ATRN: variants seen among roughly 807,000 people sequenced by gnomAD.
ATRN encodes the protein attractin.
ATRN carries 54 observed loss-of-function variants against 178.7 expected under a neutral mutation model. That is an observed-to-expected ratio of 0.30 (90% CI 0.24 to 0.38). The LOEUF is 0.38. Ranked by LOEUF, ATRN falls within the 10% of genes least tolerant of loss-of-function variation. The probability of loss-of-function intolerance (pLI) is 1.00; values close to 1 mark genes in which losing one functional copy is unlikely to be tolerated. For missense variants in ATRN, 1,443 were observed against 1,815.1 expected (o/e 0.79, Z 3.73); for synonymous variants, 636 against 663.0 (o/e 0.96, Z 0.63).
chr20:3,607,934 A>G (rs1274792211), intron 24 of ATRN, among the ~76,000 whole-genome samples: 2 of 152,086 alleles, frequency 1.3e-5, no homozygotes, highest in Middle Eastern at 3.4e-3. Context: ...ATGATTTCTC[A>G]TTATGGTTTT....
At chr20:3,598,391 C>CAG (rs2086561334) in intron 22 of ATRN, among the ~76,000 whole-genome samples, 1 of 151,612 alleles carries the variant, frequency 6.6e-6, no homozygotes, top group Non-Finnish European at 1.5e-5. Flanking sequence ...CAGCCCCAAT[C>CAG]AGACAGCAAG....
At position 3,569,384 on chromosome 20, in the gene ATRN, T is replaced by A. The variant is rs545629099; in HGVS notation, c.1872-3347T>A. Among the ~76,000 whole-genome samples the A allele has an allele frequency of 8.5e-5, 13 of 152,244 alleles. 1 individual carries two copies. In the South Asian group the frequency reaches 2.7e-3, roughly 32 times the overall value. ...AGGTCATTGTAATGCAATGTAAGTA[T>A]TTGTGTGTCCAAGCATATCTAAACA... On this transcript the variant is annotated intron_variant, in intron 11 of 28. Coordinates refer to ENST00000262919, the MANE Select transcript of ATRN (RefSeq NM_139321.3).
intron 5 of ATRN, among the ~76,000 whole-genome samples, chr20:3,547,719 G>T (rs235599): frequency 0.75 from 114,142 of 151,942 alleles, 43,317 homozygotes; most frequent in East Asian, 1. Flanking sequence ...TGCATCCTGT[G>T]TGTGAAAGTT....
intron 25 of ATRN, among the ~76,000 whole-genome samples, chr20:3,627,571 T>G (rs2086952224): frequency 6.6e-6 from 1 of 152,074 alleles, no homozygotes; most frequent in Admixed American, 6.5e-5. Context: ...CTGGCAAGAT[T>G]AACCAAGGAA....
Position 3,646,940 on chromosome 20 carries a change from G to T in ATRN, c.*93G>T. The T allele has an allele frequency of 6.7e-7, 1 of 1,486,846 alleles. No homozygotes were observed. Among genetic ancestry groups the T allele is most frequent in the Non-Finnish European group, 9.0e-7 (1 of 1,110,144 alleles). The allele number at this position is 1,486,846 out of a possible 1,614,324, so 92.1% of individuals were successfully genotyped here. The stretch of plus-strand genomic sequence containing the variant: ...GGCGTGGCGGGGAAATGGCTGTGCG[G>T]TGCGGGACGGAAGACTGGAAACCCT... On this transcript the variant is annotated 3_prime_UTR_variant, in exon 29 of 29. Coordinates refer to ENST00000262919, the MANE Select transcript of ATRN (RefSeq NM_139321.3).
At chr20:3,533,445 G>A (rs1158656228) in intron 1 of ATRN, among the ~76,000 whole-genome samples, 1 of 152,202 alleles carries the variant, frequency 6.6e-6, no homozygotes, top group Non-Finnish European at 1.5e-5. Flanking sequence ...AGACATGTCA[G>A]TAACTTCTGG....
intron 1 of ATRN, among the ~76,000 whole-genome samples, chr20:3,480,723 G>A (rs931266565): frequency 2.0e-5 from 3 of 152,044 alleles, no homozygotes; most frequent in Non-Finnish European, 2.9e-5. Context: ...TTTATTTACC[G>A]CAGTATAGAG....
Position 3,563,194 on chromosome 20 carries a change from A to G in ATRN, c.1632-15A>G. ...AACTAACCTTGTATTTATTATTTCT[A>G]AATAAACTCAAAAGGACCATTCTTA... On this transcript the variant is annotated splice_polypyrimidine_tract_variant and intron_variant, in intron 9 of 28. Coordinates refer to ENST00000262919, the MANE Select transcript of ATRN (RefSeq NM_139321.3). 6.3e-7 allele frequency: 1 copy of G among 1,595,244 alleles called. No homozygotes were observed. Among genetic ancestry groups the G allele is most frequent in the East Asian group, 2.2e-5 (1 of 44,628 alleles).
intron 1 of ATRN, among the ~76,000 whole-genome samples, chr20:3,506,961 G>A (rs559755214): frequency 2.6e-5 from 4 of 151,900 alleles, no homozygotes; most frequent in East Asian, 1.9e-4. Context: ...AAGATATGTT[G>A]GGAAAAAATA....
chr20:3,557,144 G>A (rs978454300), intron 6 of ATRN, among the ~76,000 whole-genome samples: 2 of 152,178 alleles, frequency 1.3e-5, no homozygotes, highest in African/African-American at 4.8e-5. Flanking sequence ...AAAAAGCTTT[G>A]CAGTGGTATG....
rs201908835 is a variant in ATRN at position 3,622,165 on chromosome 20, G to C, written c.3802-2346G>C. On this transcript the variant is annotated intron_variant, in intron 24 of 28. Coordinates refer to ENST00000262919, the MANE Select transcript of ATRN (RefSeq NM_139321.3). Reference sequence around the variant, plus strand: ...AGAAATCTGATAGCTCCATCATGGAGTCCTTCACTTGAGACTTCACAGCAG... The same window carrying C: ...AGAAATCTGATAGCTCCATCATGGACTCCTTCACTTGAGACTTCACAGCAG... 6.6e-5 allele frequency among the ~76,000 whole-genome samples: 10 copies of C among 152,334 alleles called. No homozygotes were observed. The East Asian group carries it at 1.9e-3, about 29-fold the overall frequency.
chr20:3,528,374 A>AT (rs2085403243), intron 1 of ATRN, among the ~76,000 whole-genome samples: 1 of 152,002 alleles, frequency 6.6e-6, no homozygotes, highest in African/African-American at 2.4e-5. Flanking sequence ...CTCAAAAAAA[A>AT]AAAATGTGGT....
chr20:3,471,542 G>T (rs2084423156), intron 1 of ATRN, 25 bp downstream of exon 1: 1 of 1,380,042 alleles, frequency 7.2e-7, no homozygotes, highest in Admixed American at 3.9e-5. Flanking sequence ...GTGTCGGAGG[G>T]TCGGGTCCAA....
chr20:3,501,841 A>G (rs947243682), intron 1 of ATRN, among the ~76,000 whole-genome samples: 3 of 152,152 alleles, frequency 2.0e-5, no homozygotes, highest in African/African-American at 7.2e-5. Flanking sequence ...GCATCGGGGG[A>G]CACAGTTGGA....
Position 3,490,619 on chromosome 20 carries a change from CT to C in ATRN, c.410+19104del. 1.6e-5 allele frequency: 16 copies of C among 987,530 alleles called. No homozygotes were observed. The South Asian group carries it at 2.0e-4, about 13-fold the overall frequency. The allele number at this position is 987,530 out of a possible 1,614,324, so 61.2% of individuals were successfully genotyped here. On this transcript the variant is annotated intron_variant, in intron 1 of 28. Coordinates refer to ENST00000262919, the MANE Select transcript of ATRN (RefSeq NM_139321.3). ...AGATCGAGGTAACGACCATATCCCT[CT>C]TCATCTGTGAACTCCACCAAGTTTT...
chr20:3,565,563 C>G, intron 11 of ATRN, 131 bp downstream of exon 11: 4 of 705,212 alleles, frequency 5.7e-6, no homozygotes, highest in East Asian at 2.7e-5. Context: ...GTCAGGAGAT[C>G]AAGACCATCC....
intron 24 of ATRN, among the ~76,000 whole-genome samples, chr20:3,614,639 T>C (rs919634176): frequency 2.0e-5 from 3 of 152,202 alleles, no homozygotes; most frequent in Non-Finnish European, 4.4e-5. Flanking sequence ...ACAGCTTTAT[T>C]GAGACATCAT....
At position 3,487,423 on chromosome 20, in the gene ATRN, G is replaced by A. The variant is rs144482902; in HGVS notation, c.410+15906G>A. On this transcript the variant is annotated intron_variant, in intron 1 of 28. Transcript: ENST00000262919. ...AATTTTTGTATTTTTAGTAGAGACA[G>A]GGTTTCACCATCTTGGCCAGGCTGG... Among the ~76,000 whole-genome samples the A allele has an allele frequency of 7.6e-3, 1,155 of 152,148 alleles. 6 individuals carry two copies. Among genetic ancestry groups the A allele is most frequent in the African/African-American group, 0.026 (1,082 of 41,512 alleles).
intron 23 of ATRN, among the ~76,000 whole-genome samples, chr20:3,602,776 C>T (rs1245632377): frequency 1.3e-5 from 2 of 151,744 alleles, no homozygotes; most frequent in African/African-American, 2.4e-5. Flanking sequence ...CCAGCCTGAC[C>T]AACATGGTGA....
Sources: allele counts gnomAD v4.1 joint callset (sites outside exome capture counted in the v4.1 genomes callset), GRCh38; gene constraint gnomAD v4.1.1; transcripts MANE v1.5; gene names NCBI Gene and HGNC (gene_info 2026-07-23, HGNC 2026-07-21).